SHANK2: variants seen among roughly 807,000 people sequenced by gnomAD.
SHANK2 encodes SH3 and multiple ankyrin repeat domains 2, also known as SH3 and multiple ankyrin repeat domains protein 2.
A neutral mutation model predicts 133.7 loss-of-function variants in SHANK2; 43 were observed. The observed-to-expected ratio is 0.32, with a 90% CI of 0.25 to 0.41. The LOEUF is 0.41. Among genes scored for constraint, SHANK2 ranks in the 10% least tolerant of loss-of-function variants. The probability of loss-of-function intolerance (pLI) is 1.00; values close to 1 mark genes in which losing one functional copy is unlikely to be tolerated. For synonymous variants in SHANK2, 1,017 were observed against 952.8 expected, an observed-to-expected ratio of 1.07 and a Z score of -1.24; for missense variants, 1,994 against 2,235.8, an observed-to-expected ratio of 0.89 and a Z score of 2.18.
chr11:70,494,948 G>A (rs1393337108), intron 21 of SHANK2, among the ~76,000 whole-genome samples: 2 of 152,136 alleles, frequency 1.3e-5, no homozygotes, highest in South Asian at 2.1e-4. Flanking sequence ...CTGGCTCTTC[G>A]ATGAGCCTGA....
intron 14 of SHANK2, among the ~76,000 whole-genome samples, chr11:70,784,695 G>A (rs1565314033): frequency 2.6e-5 from 4 of 152,166 alleles, no homozygotes; most frequent in Admixed American, 6.5e-5. Flanking sequence ...GGCATGGGCT[G>A]AGCTCTGTCT....
intron 8 of SHANK2, among the ~76,000 whole-genome samples, chr11:71,079,408 A>T (rs1258193635): frequency 6.6e-6 from 1 of 152,188 alleles, no homozygotes; most frequent in Non-Finnish European, 1.5e-5. Flanking sequence ...AGTTCCTTGT[A>T]CTATTCTTGC....
chr11:70,914,989 C>T (rs1555079647), intron 10 of SHANK2, among the ~76,000 whole-genome samples: 1 of 151,868 alleles, frequency 6.6e-6, no homozygotes, highest in Non-Finnish European at 1.5e-5. Context: ...TTGTAGGCTA[C>T]AACACCATTC....
chr11:70,949,823 T>C (rs112759736), intron 10 of SHANK2, among the ~76,000 whole-genome samples: 9,592 of 152,266 alleles, frequency 0.063, 1,025 homozygotes, highest in African/African-American at 0.22. Flanking sequence ...GTATCCACAG[T>C]CATGAGGCAC....
intron 11 of SHANK2, among the ~76,000 whole-genome samples, chr11:70,853,110 G>A (rs782728973): frequency 3.5e-4 from 53 of 152,362 alleles, no homozygotes; most frequent in South Asian, 6.2e-4. Context: ...TTGGGTTTAC[G>A]GGAGACAGCA....
chr11:70,702,259 ACATCATCACCACCATCAT>A (rs1268579794), intron 14 of SHANK2, among the ~76,000 whole-genome samples: 11 of 144,072 alleles, frequency 7.6e-5, no homozygotes, highest in South Asian at 4.5e-4. Flanking sequence ...ATCATCACCA[ACATCATCACCACCATCAT>A]CATCATCACC....
chr11:70,809,390 A>G (rs1340131361), intron 12 of SHANK2, among the ~76,000 whole-genome samples: 3 of 152,206 alleles, frequency 2.0e-5, no homozygotes, highest in Admixed American at 2.0e-4. Context: ...GGAAAGTTCT[A>G]GAAGCGGATG....
At chr11:71,207,837 G>A (rs1954159031) in intron 2 of SHANK2, among the ~76,000 whole-genome samples, 1 of 152,054 alleles carries the variant, frequency 6.6e-6, no homozygotes, top group Non-Finnish European at 1.5e-5. Flanking sequence ...AGGCCTCTCT[G>A]GAAGGTGGCA....
chr11:71,110,587 C>G (rs1307761253), intron 5 of SHANK2, among the ~76,000 whole-genome samples: 3 of 152,142 alleles, frequency 2.0e-5, no homozygotes. Context: ...CAGAGAAAGA[C>G]CTGTCTCAAA....
intron 15 of SHANK2, among the ~76,000 whole-genome samples, chr11:70,689,068 G>C (rs552996557): frequency 9.2e-5 from 14 of 152,346 alleles, no homozygotes; most frequent in Admixed American, 8.5e-4. Context: ...TCTGCCGTGA[G>C]AGCAGTTACG....
chr11:70,560,164 G>A (rs1191519083), intron 17 of SHANK2, among the ~76,000 whole-genome samples: 1 of 152,154 alleles, frequency 6.6e-6, no homozygotes, highest in Non-Finnish European at 1.5e-5. Flanking sequence ...GAGCCACCGT[G>A]CTCGGCTTGG....
At chr11:71,214,813 A>G (rs7929059) in intron 2 of SHANK2, among the ~76,000 whole-genome samples, 55,306 of 152,146 alleles carry the variant, frequency 0.36, 10,170 homozygotes, top group South Asian at 0.41. Context: ...AAGAAGGTGA[A>G]GTGGGGTCAC....
chr11:71,084,855 T>C (rs1285394878), intron 8 of SHANK2, among the ~76,000 whole-genome samples: 1 of 152,160 alleles, frequency 6.6e-6, no homozygotes, highest in Non-Finnish European at 1.5e-5. Context: ...TGTGAACTCA[T>C]ATGGGAAACA....
intron 11 of SHANK2, among the ~76,000 whole-genome samples, chr11:70,856,832 T>C (rs1318220470): frequency 1.3e-5 from 2 of 152,176 alleles, no homozygotes; most frequent in African/African-American, 4.8e-5. Flanking sequence ...TCTGCCAATC[T>C]GTGCCCAGGA....
At chr11:70,551,523 G>A (rs2059768495) in intron 17 of SHANK2, among the ~76,000 whole-genome samples, 1 of 152,222 alleles carries the variant, frequency 6.6e-6, no homozygotes, top group Non-Finnish European at 1.5e-5. Context: ...GGCCTCGGCA[G>A]CCCCGGTGTG....
intron 2 of SHANK2, among the ~76,000 whole-genome samples, chr11:71,150,289 G>A (rs868913962): frequency 1.2e-3 from 99 of 84,606 alleles, no homozygotes; most frequent in African/African-American, 4.8e-3. Context: ...AAGGGAGGGA[G>A]GGAGGGAGAA....
intron 17 of SHANK2, among the ~76,000 whole-genome samples, chr11:70,591,107 C>CT (rs2060314994): frequency 6.6e-6 from 1 of 152,126 alleles, no homozygotes; most frequent in African/African-American, 2.4e-5. Context: ...TTTGGGAGGC[C>CT]GAGGTGGGCG....
chr11:70,604,758 A>G (rs2060551836), intron 17 of SHANK2: 1 of 152,306 alleles, frequency 6.6e-6, no homozygotes, highest in Non-Finnish European at 1.5e-5. Context: ...GAAGTCTCAC[A>G]ATGGCCCCTG....
At chr11:70,537,227 T>TC (rs1554974317) in intron 17 of SHANK2, among the ~76,000 whole-genome samples, 1 of 151,694 alleles carries the variant, frequency 6.6e-6, no homozygotes, top group African/African-American at 2.4e-5. Flanking sequence ...GAGGGAAACC[T>TC]CCCCCCAGGA....
Sources: allele counts gnomAD v4.1 joint callset (sites outside exome capture counted in the v4.1 genomes callset), GRCh38; gene constraint gnomAD v4.1.1; transcripts MANE v1.5; gene names NCBI Gene and HGNC (gene_info 2026-07-23, HGNC 2026-07-21).